Variants in KCNT2 observed in about 807,000 individuals in gnomAD.
KCNT2 encodes the protein potassium channel subfamily T member 2.
A neutral mutation model predicts 153.8 loss-of-function variants in KCNT2; 67 were observed. That is an observed-to-expected ratio of 0.44 (90% CI 0.36 to 0.53). KCNT2 has a LOEUF of 0.53. Ranked by LOEUF, KCNT2 falls within the 20% of genes least tolerant of loss-of-function variation. The probability of loss-of-function intolerance (pLI) is 0.00; values close to 1 mark genes in which losing one functional copy is unlikely to be tolerated. For missense variants in KCNT2, 975 were observed against 1,354.8 expected (o/e 0.72, Z 4.40); for synonymous variants, 500 against 458.8 (o/e 1.09, Z -1.15).
rs183855176 is a variant in KCNT2, at chr1:196,445,862, A to G, written c.639-16105T>C. Among the ~76,000 whole-genome samples, 243 of 151,470 alleles carry G rather than the reference A, an allele frequency of 1.6e-3. 2 individuals are homozygous for G. The highest frequency in any genetic ancestry group is 7.3e-4 in the Admixed American group (11 of 15,138). Reference sequence around the variant, plus strand: ...TGGTACATTTAATTGCTTATAAGCTAGTATCAAATACATCAGTATCTTTAC... The same window carrying G: ...TGGTACATTTAATTGCTTATAAGCTGGTATCAAATACATCAGTATCTTTAC... On this transcript the variant is annotated intron_variant, in intron 8 of 27. Transcript: ENST00000294725.
chr1:196,403,604 T>C (rs1671594556), intron 12 of KCNT2, among the ~76,000 whole-genome samples: 4 of 151,414 alleles, frequency 2.6e-5, no homozygotes, highest in African/African-American at 9.7e-5. Context: ...AACAAATGTA[T>C]CACAATAATG....
chr1:196,380,131 A>C (rs1558218748), intron 13 of KCNT2, among the ~76,000 whole-genome samples: 1 of 152,228 alleles, frequency 6.6e-6, no homozygotes, highest in Non-Finnish European at 1.5e-5. Flanking sequence ...GTATGCCTGT[A>C]TGTGTGTCTG....
intron 1 of KCNT2, among the ~76,000 whole-genome samples, chr1:196,525,921 A>G (rs1654122835): frequency 6.6e-6 from 1 of 152,212 alleles, no homozygotes. Context: ...AAAAAATGTG[A>G]CCAAAGGTTT....
chr1:196,343,697 G>A (rs1394034589), intron 14 of KCNT2, among the ~76,000 whole-genome samples: 1 of 152,222 alleles, frequency 6.6e-6, no homozygotes, highest in African/African-American at 2.4e-5. Context: ...AGAGTTAAGA[G>A]CCTGGGCCCT....
intron 12 of KCNT2, among the ~76,000 whole-genome samples, chr1:196,419,657 G>C (rs1673039505): frequency 1.3e-5 from 2 of 151,808 alleles, no homozygotes; most frequent in African/African-American, 4.8e-5. Context: ...CTTTTGCCAG[G>C]ATACAAAATT....
intron 27 of KCNT2, among the ~76,000 whole-genome samples, chr1:196,229,214 AT>A (rs921696641): frequency 2.6e-5 from 4 of 152,006 alleles, no homozygotes; most frequent in South Asian, 4.2e-4. Flanking sequence ...CGTTGGAGAC[AT>A]TTTTTCCAGC....
intron 25 of KCNT2, among the ~76,000 whole-genome samples, chr1:196,268,708 T>C (rs1298308411): frequency 1.3e-5 from 2 of 152,016 alleles, no homozygotes; most frequent in Non-Finnish European, 2.9e-5. Context: ...TCCTTATGCA[T>C]GAGAAACCTC....
chr1:196,457,420 T>C (rs1462148322), intron 8 of KCNT2, among the ~76,000 whole-genome samples: 2 of 151,584 alleles, frequency 1.3e-5, no homozygotes, highest in African/African-American at 2.4e-5. Flanking sequence ...ACTTACTGAA[T>C]TGATTAATGA....
intron 1 of KCNT2, among the ~76,000 whole-genome samples, chr1:196,520,117 C>G (rs1446771349): frequency 6.6e-6 from 1 of 152,068 alleles, no homozygotes; most frequent in Admixed American, 6.6e-5. Flanking sequence ...CACAATCAAG[C>G]AGGCTTTATC....
chr1:196,569,390 C>T (rs934987210), intron 1 of KCNT2, among the ~76,000 whole-genome samples: 26 of 152,224 alleles, frequency 1.7e-4, no homozygotes, highest in African/African-American at 6.3e-4. Context: ...AAAATGACCT[C>T]ATATTCTCAA....
At chr1:196,356,876 A>G (rs969188122) in intron 14 of KCNT2, among the ~76,000 whole-genome samples, 4 of 151,848 alleles carry the variant, frequency 2.6e-5, no homozygotes, top group African/African-American at 9.7e-5. Context: ...ACAATTCAAA[A>G]GGAAAAAAAA....
chr1:196,467,684 A>G lies in KCNT2; in HGVS notation c.543+19T>C. 1.4e-6 allele frequency: 2 copies of G among 1,448,184 alleles called. No individual in the cohort carries two copies. The highest frequency in any genetic ancestry group is 2.4e-5 in the South Asian group (2 of 82,602). 89.7% of individuals were successfully genotyped at this position (1,448,184 alleles called of 1,614,324 possible). A position where few individuals can be genotyped will look rare whatever the true frequency, so the allele number is the denominator to read the frequency against. The stretch of plus-strand genomic sequence containing the variant: ...GGTTTAAAAATATTTTCATATTTGC[A>G]CTTTAATTCTATACTTACAATCATA... On this transcript the variant is annotated intron_variant, in intron 7 of 27. Coordinates refer to ENST00000294725, the MANE Select transcript of KCNT2 (RefSeq NM_198503.5).
At chr1:196,369,562 G>A (rs1261934395) in intron 14 of KCNT2, among the ~76,000 whole-genome samples, 3 of 150,922 alleles carry the variant, frequency 2.0e-5, no homozygotes, top group African/African-American at 7.3e-5. Flanking sequence ...ACCTATGAGT[G>A]AGAATATGTG....
chr1:196,428,084 C>A (rs763478528), intron 10 of KCNT2, 21 bp downstream of exon 10: 2 of 1,599,050 alleles, frequency 1.3e-6, no homozygotes, highest in East Asian at 4.5e-5. Context: ...CAGTATAGCA[C>A]ATAATATAAG....
intron 12 of KCNT2, among the ~76,000 whole-genome samples, chr1:196,421,409 C>T (rs1363443899): frequency 1.3e-5 from 2 of 151,946 alleles, no homozygotes; most frequent in Non-Finnish European, 2.9e-5. Context: ...AGCCAAATTA[C>T]CACTCGAGGG....
At chr1:196,310,664 C>G (rs1662080961) in intron 21 of KCNT2, among the ~76,000 whole-genome samples, 1 of 151,754 alleles carries the variant, frequency 6.6e-6, no homozygotes, top group Admixed American at 6.6e-5. Context: ...ATATTCTTTT[C>G]TTTAAAAAAA....
At chr1:196,498,742 T>C (rs534965681) in intron 1 of KCNT2, among the ~76,000 whole-genome samples, 1 of 152,352 alleles carries the variant, frequency 6.6e-6, no homozygotes, top group Non-Finnish European at 1.5e-5. Context: ...GATCTGACTT[T>C]GATCAGTAAG....
At chr1:196,487,682 T>C (rs544083547) in intron 3 of KCNT2, among the ~76,000 whole-genome samples, 3 of 152,136 alleles carry the variant, frequency 2.0e-5, no homozygotes, top group Non-Finnish European at 4.4e-5. Context: ...AGAGCTATTG[T>C]AAAAATTCTG....
chr1:196,582,635 C>T (rs1478964415), intron 1 of KCNT2, among the ~76,000 whole-genome samples: 1 of 151,982 alleles, frequency 6.6e-6, no homozygotes, highest in Non-Finnish European at 1.5e-5. Flanking sequence ...ACCTTAGTGC[C>T]TCCACAAACA....
Sources: gnomAD v4.1 joint callset for allele counts (sites outside exome capture counted in the v4.1 genomes callset) on GRCh38, gnomAD v4.1.1 for gene constraint, MANE v1.5 for transcripts, NCBI Gene and HGNC (gene_info 2026-07-23, HGNC 2026-07-21) for gene names.